AOPEP: variants seen among roughly 807,000 people sequenced by gnomAD.
AOPEP encodes aminopeptidase O (putative), also known as aminopeptidase O.
Under a neutral mutation model 98.1 loss-of-function variants are expected in AOPEP, and 77 were observed. The ratio of observed to expected loss-of-function variants is 0.78; its 90% confidence interval spans 0.65 to 0.95. The LOEUF (loss-of-function observed/expected upper bound fraction) is 0.95, where lower values mean the gene tolerates loss of function less well. AOPEP is among the 40% of genes least tolerant of loss of function. AOPEP has a pLI of 0.00. For missense variants in AOPEP, 1,024 were observed against 1,024.7 expected (o/e 1.00, Z 0.01); for synonymous variants, 346 against 365.3 (o/e 0.95, Z 0.60).
chr9:94,820,199 G>A (rs1460632767), intron 5 of AOPEP, among the ~76,000 whole-genome samples: 1 of 151,998 alleles, frequency 6.6e-6, no homozygotes, highest in Non-Finnish European at 1.5e-5. Flanking sequence ...GCCTGCCTTG[G>A]CCTCCCAAAG....
intron 5 of AOPEP, among the ~76,000 whole-genome samples, chr9:94,874,373 T>TA (rs886247530): frequency 6.0e-5 from 9 of 150,772 alleles, no homozygotes; most frequent in South Asian, 2.1e-4. Flanking sequence ...AACATTCCTT[T>TA]AAAAAAAAAG....
intron 1 of AOPEP, among the ~76,000 whole-genome samples, chr9:94,751,045 C>T (rs1234004824): frequency 6.6e-6 from 1 of 152,034 alleles, no homozygotes; most frequent in Non-Finnish European, 1.5e-5. Flanking sequence ...CCGCACCTGG[C>T]CAAAGGTCTG....
At chr9:95,043,973 C>G (rs1319483085) in intron 13 of AOPEP, among the ~76,000 whole-genome samples, 2 of 152,174 alleles carry the variant, frequency 1.3e-5, no homozygotes, top group Admixed American at 6.5e-5. Flanking sequence ...CTTGACCTTC[C>G]TGTGTTCTCT....
intron 5 of AOPEP, among the ~76,000 whole-genome samples, chr9:94,821,887 T>G (rs1287770576): frequency 6.6e-6 from 1 of 152,038 alleles, no homozygotes; most frequent in Non-Finnish European, 1.5e-5. Flanking sequence ...CATGGCAAGT[T>G]TTTTTTTGTA....
intron 13 of AOPEP, among the ~76,000 whole-genome samples, chr9:95,050,006 C>A (rs1475987618): frequency 1.3e-5 from 2 of 152,198 alleles, no homozygotes; most frequent in Admixed American, 6.5e-5. Context: ...CTGGAACTCA[C>A]AGTAGAACTA....
chr9:95,024,135 CA>C (rs1217889547), intron 13 of AOPEP, among the ~76,000 whole-genome samples: 1 of 152,154 alleles, frequency 6.6e-6, no homozygotes, highest in Non-Finnish European at 1.5e-5. Flanking sequence ...ATTTTCATGT[CA>C]AATGTTAGAT....
chr9:95,076,374 C>G (rs2069070158), intron 14 of AOPEP, among the ~76,000 whole-genome samples: 1 of 152,150 alleles, frequency 6.6e-6, no homozygotes, highest in African/African-American at 2.4e-5. Flanking sequence ...ACCGGATGAC[C>G]CACACCTTGT....
chr9:94,803,001 C>CT (rs1318803611), intron 5 of AOPEP, among the ~76,000 whole-genome samples: 1 of 152,052 alleles, frequency 6.6e-6, no homozygotes, highest in Non-Finnish European at 1.5e-5. Context: ...ACTCAGCTGG[C>CT]TACTGGGGCC....
At chr9:94,853,225 C>T (rs1014883456) in intron 5 of AOPEP, among the ~76,000 whole-genome samples, 7 of 152,104 alleles carry the variant, frequency 4.6e-5, no homozygotes, top group South Asian at 2.1e-4. Context: ...TTTGGGAGGC[C>T]GACGTGGGCA....
At chr9:95,139,182 G>A in the AOPEP span, among the ~76,000 whole-genome samples, 1 of 152,210 alleles carries the variant, frequency 6.6e-6, no homozygotes, top group Non-Finnish European at 1.5e-5. Flanking sequence ...GCAAATGGCC[G>A]ATAAAAATGT....
At chr9:95,006,910 T>G (rs2062069757) in intron 13 of AOPEP, among the ~76,000 whole-genome samples, 1 of 151,254 alleles carries the variant, frequency 6.6e-6, no homozygotes, top group Non-Finnish European at 1.5e-5. Context: ...AATTTTTTTT[T>G]TTTTTTTTTG....
intron 1 of AOPEP, among the ~76,000 whole-genome samples, chr9:94,741,764 G>T (rs1034939630): frequency 3.3e-5 from 5 of 152,116 alleles, no homozygotes; most frequent in African/African-American, 1.2e-4. Flanking sequence ...ACGTTTCTTG[G>T]TCATGCTATT....
At chr9:94,943,107 A>G (rs1473471668) in intron 7 of AOPEP, among the ~76,000 whole-genome samples, 1 of 152,188 alleles carries the variant, frequency 6.6e-6, no homozygotes, top group African/African-American at 2.4e-5. Flanking sequence ...TGAAGGGAAA[A>G]AGAATCAGTA....
chr9:94,979,224 CA>C (rs3839897), intron 10 of AOPEP, 142 bp from the exon 11 acceptor site: 14,092 of 560,428 alleles, frequency 0.025, 271 homozygotes, highest in Admixed American at 0.065. Context: ...CACTTCAACC[CA>C]GGGGAGCGCT....
In AOPEP at chr9:94,936,616, TA is replaced by T. The variant is rs1398815872; in HGVS notation, c.1661+8087del. On this transcript the variant is annotated intron_variant, in intron 7 of 16. Transcript: ENST00000375315. The stretch of plus-strand genomic sequence containing the variant: ...GTTTCCCCACACACCAAGCAAGCAA[TA>T]ACTTCTGTAGTGGACACCAGCTGGG... Among the ~76,000 whole-genome samples, 10 of 152,316 alleles carry T rather than the reference TA, an allele frequency of 6.6e-5. No homozygotes were observed. In the East Asian group the frequency reaches 1.9e-3, roughly 29 times the overall value.
At chr9:95,126,524 T>A in the AOPEP span, 1 of 1,613,670 alleles carries the variant, frequency 6.2e-7, no homozygotes. Context: ...CAGTGTAACG[T>A]TTACCTGAAC....
At chr9:95,005,293 C>T (rs2061909441) in intron 12 of AOPEP, 73 bp downstream of exon 12, 7 of 836,780 alleles carry the variant, frequency 8.4e-6, no homozygotes, top group South Asian at 1.1e-4. Context: ...GAGGCCCTGG[C>T]TCTGCGCTGC....
intron 5 of AOPEP, among the ~76,000 whole-genome samples, chr9:94,807,515 C>G (rs1849495129): frequency 6.6e-6 from 1 of 152,192 alleles, no homozygotes; most frequent in African/African-American, 2.4e-5. Flanking sequence ...CTAATGTCTT[C>G]CAGTCCTTGA....
chr9:95,131,197 G>A, the AOPEP span, among the ~76,000 whole-genome samples: 1 of 152,144 alleles, frequency 6.6e-6, no homozygotes, highest in African/African-American at 2.4e-5. Flanking sequence ...GTACTTTTGC[G>A]TCTTAAATTT....
Sources: gnomAD v4.1 joint callset for allele counts (sites outside exome capture counted in the v4.1 genomes callset) on GRCh38, gnomAD v4.1.1 for gene constraint, MANE v1.5 for transcripts, NCBI Gene and HGNC (gene_info 2026-07-23, HGNC 2026-07-21) for gene names.